Variants in PTPN4 observed in about 807,000 individuals in gnomAD.
The protein encoded by PTPN4 is tyrosine-protein phosphatase non-receptor type 4.
Under a neutral mutation model 135.5 loss-of-function variants are expected in PTPN4, and 49 were observed. The observed-to-expected ratio is 0.36, with a 90% CI of 0.29 to 0.46. The LOEUF is 0.46. PTPN4 is among the 20% of genes least tolerant of loss of function. The pLI is 1.00. For missense variants in PTPN4, 860 were observed against 1,101.0 expected (o/e 0.78, Z 3.10); for synonymous variants, 333 against 369.9 (o/e 0.90, Z 1.14).
intron 1 of PTPN4, among the ~76,000 whole-genome samples, chr2:119,783,201 G>A (rs1690976525): frequency 1.3e-5 from 2 of 152,058 alleles, no homozygotes; most frequent in Admixed American, 1.3e-4. Flanking sequence ...TTTGTACATT[G>A]ATTTAGGAAC....
At chr2:119,903,215 C>A (rs191486725) in intron 10 of PTPN4, among the ~76,000 whole-genome samples, 28 of 152,188 alleles carry the variant, frequency 1.8e-4, no homozygotes, top group African/African-American at 6.3e-4. Flanking sequence ...AGGGACATTA[C>A]CATTGACAGC....
intron 1 of PTPN4, among the ~76,000 whole-genome samples, chr2:119,792,728 A>G (rs1244051355): frequency 6.6e-6 from 1 of 152,126 alleles, no homozygotes; most frequent in East Asian, 1.9e-4. Flanking sequence ...TATTTTCCCT[A>G]AGTGTCAGCC....
Position 119,798,185 on chromosome 2 carries a change from A to G in PTPN4, c.-17-11652A>G, listed in dbSNP as rs368077787. ...TGCAACATCTTTTTTTTTTTTTTTG[A>G]GACGGAGTTTTGCGCTTGTCACCCA... On this transcript the variant is annotated intron_variant, in intron 1 of 26. Coordinates refer to ENST00000263708, the MANE Select transcript of PTPN4 (RefSeq NM_002830.4). 7.9e-5 allele frequency among the ~76,000 whole-genome samples: 11 copies of G among 139,966 alleles called. No individual in the cohort carries two copies. In the East Asian group the frequency reaches 1.6e-3, roughly 21 times the overall value. 91.8% of individuals were successfully genotyped at this position (139,966 alleles called of 152,430 possible).
intron 25 of PTPN4, among the ~76,000 whole-genome samples, chr2:119,966,679 T>C (rs757273190): frequency 1.3e-5 from 2 of 152,242 alleles, no homozygotes; most frequent in African/African-American, 4.8e-5. Flanking sequence ...CCCTTCCTTC[T>C]TCCTTGCCTG....
intron 25 of PTPN4, among the ~76,000 whole-genome samples, chr2:119,966,259 C>G (rs1250484604): frequency 6.6e-6 from 1 of 151,900 alleles, no homozygotes; most frequent in Non-Finnish European, 1.5e-5. Context: ...CCAAAAGGTC[C>G]CACCTTTTCT....
chr2:119,965,507 G>C lies in PTPN4; in HGVS notation c.2420G>C (p.Ser807Thr), dbSNP rs1288454140. ...TTCATTTGTTCTTAGAAAAATGAAA[G>C]TCGTCCACTCACTCAGATCCAGTAC... ...MTLFNQEKNE[S>T]RPLTQIQYIA... The change falls in exon 25 of 27, where the codon AGT (serine) becomes ACT (threonine). Residue 807 changes from serine (S) to threonine (T), a missense_variant. Coordinates refer to ENST00000263708, the MANE Select transcript of PTPN4 (RefSeq NM_002830.4). 1 of 1,602,238 alleles carries C rather than the reference G, an allele frequency of 6.2e-7. No homozygotes were observed. Among genetic ancestry groups the C allele is most frequent in the Admixed American group, 1.8e-5 (1 of 56,512 alleles).
At chr2:119,845,108 G>C (rs1456141887) in intron 2 of PTPN4, among the ~76,000 whole-genome samples, 1 of 149,804 alleles carries the variant, frequency 6.7e-6, no homozygotes, top group Non-Finnish European at 1.5e-5. Flanking sequence ...CAGGCGTGGC[G>C]GCGCGAGCCT....
chr2:119,880,386 G>C (rs1374702289), intron 5 of PTPN4, among the ~76,000 whole-genome samples: 3 of 151,872 alleles, frequency 2.0e-5, no homozygotes, highest in African/African-American at 7.3e-5. Context: ...TTTAAATCCT[G>C]ACTATAAGAT....
chr2:119,933,807 A>G (rs1678943318), intron 14 of PTPN4, among the ~76,000 whole-genome samples: 1 of 152,210 alleles, frequency 6.6e-6, no homozygotes, highest in Non-Finnish European at 1.5e-5. Flanking sequence ...AGTTACTCCT[A>G]GAAAAAAATG....
At chr2:119,915,055 T>G in intron 10 of PTPN4, 124 bp from the exon 11 acceptor site, 1 of 731,150 alleles carries the variant, frequency 1.4e-6, no homozygotes, top group Non-Finnish European at 2.0e-6. Context: ...TTATGTACTA[T>G]GTGTATGTAT....
intron 2 of PTPN4, among the ~76,000 whole-genome samples, chr2:119,847,254 A>G (rs527320718): frequency 1.4e-5 from 2 of 147,368 alleles, no homozygotes; most frequent in African/African-American, 4.9e-5. Flanking sequence ...ATCAGTTAAG[A>G]AAAAAAGGAG....
At chr2:119,783,437 G>A in intron 1 of PTPN4, among the ~76,000 whole-genome samples, 1 of 152,206 alleles carries the variant, frequency 6.6e-6, no homozygotes. Context: ...TTGAGGTGGA[G>A]ATTGCGGAAA....
At chr2:119,824,161 A>G (rs973432946) in intron 2 of PTPN4, among the ~76,000 whole-genome samples, 4 of 152,190 alleles carry the variant, frequency 2.6e-5, no homozygotes, top group African/African-American at 9.7e-5. Flanking sequence ...GCTAGAGAAC[A>G]TACTTTGTAT....
At chr2:119,860,912 G>T (rs1677751399) in intron 2 of PTPN4, among the ~76,000 whole-genome samples, 1 of 152,040 alleles carries the variant, frequency 6.6e-6, no homozygotes. Flanking sequence ...GTGGTGGCAT[G>T]CACCTATAAT....
In PTPN4 at chr2:119,980,657, C is replaced by T. The variant is rs1298506772; in HGVS notation, c.*3587C>T. Reference sequence around the variant, plus strand: ...TTTCCAGTAGAGAAGCATACTCAGCCAATGTTTTCACTTAATAACTATGAC... The same window carrying T: ...TTTCCAGTAGAGAAGCATACTCAGCTAATGTTTTCACTTAATAACTATGAC... On this transcript the variant is annotated 3_prime_UTR_variant, in exon 27 of 27. Coordinates refer to ENST00000263708, the MANE Select transcript of PTPN4 (RefSeq NM_002830.4). 1 of 151,830 alleles carries T rather than the reference C, an allele frequency of 6.6e-6. No individual in the cohort carries two copies. Among genetic ancestry groups the T allele is most frequent in the Admixed American group, 6.6e-5 (1 of 15,226 alleles). 9.4% of individuals were successfully genotyped at this position (151,830 alleles called of 1,614,324 possible). A position where few individuals can be genotyped will look rare whatever the true frequency, so the allele number is the denominator to read the frequency against.
intron 8 of PTPN4, among the ~76,000 whole-genome samples, chr2:119,883,598 C>T (rs1311335653): frequency 2.6e-5 from 4 of 152,160 alleles, no homozygotes; most frequent in African/African-American, 4.8e-5. Flanking sequence ...GGCAGTGTTG[C>T]GTATTGGCTA....
chr2:119,815,743 A>G (rs1230029416), intron 2 of PTPN4, among the ~76,000 whole-genome samples: 1 of 152,194 alleles, frequency 6.6e-6, no homozygotes, highest in Non-Finnish European at 1.5e-5. Context: ...ATAATTCAAA[A>G]ATAGTTGGCA....
chr2:119,831,694 CA>C, intron 2 of PTPN4, among the ~76,000 whole-genome samples: 1 of 152,234 alleles, frequency 6.6e-6, no homozygotes, highest in South Asian at 2.1e-4. Context: ...TTAATGTTTG[CA>C]TGGTGAATCA....
At chr2:119,807,370 C>T (rs534346260) in intron 1 of PTPN4, among the ~76,000 whole-genome samples, 22 of 152,084 alleles carry the variant, frequency 1.4e-4, no homozygotes, top group East Asian at 3.9e-4. Flanking sequence ...ATCGAATAGA[C>T]GCAATAAAAA....
Sources: allele counts gnomAD v4.1 joint callset (sites outside exome capture counted in the v4.1 genomes callset), GRCh38; gene constraint gnomAD v4.1.1; transcripts MANE v1.5; gene names NCBI Gene and HGNC (gene_info 2026-07-23, HGNC 2026-07-21).